The following STRBP variants were observed in gnomAD, a reference collection of about 807,000 sequenced individuals.
The protein encoded by STRBP is spermatid perinuclear RNA-binding protein.
STRBP carries 13 observed loss-of-function variants against 80.1 expected under a neutral mutation model. The ratio of observed to expected loss-of-function variants is 0.16; its 90% confidence interval spans 0.11 to 0.26. STRBP has a LOEUF of 0.26. STRBP is among the 10% of genes least tolerant of loss of function. STRBP has a pLI of 1.00. For synonymous variants in STRBP, 284 were observed against 291.2 expected, an observed-to-expected ratio of 0.98 and a Z score of 0.25; for missense variants, 485 against 815.2, an observed-to-expected ratio of 0.59 and a Z score of 4.93.
intron 11 of STRBP, among the ~76,000 whole-genome samples, chr9:123,152,827 A>G (rs193221670): frequency 6.6e-6 from 1 of 152,234 alleles, no homozygotes; most frequent in Admixed American, 6.5e-5. Flanking sequence ...GTGGCTACAG[A>G]AATCTACACA....
At chr9:123,264,863 C>A (rs1416453924) in intron 1 of STRBP, among the ~76,000 whole-genome samples, 3 of 151,944 alleles carry the variant, frequency 2.0e-5, no homozygotes, top group Non-Finnish European at 4.4e-5. Context: ...TAGTGCGCAC[C>A]CCAAGTCAAT....
At chr9:123,114,240 AAGC>A (rs2035610439) in intron 3 of STRBP, 1 of 167,128 alleles carries the variant, frequency 6.0e-6, no homozygotes, top group Non-Finnish European at 1.5e-5. Context: ...GTCCATTTCA[AAGC>A]AAAAGTGGCA....
intron 3 of STRBP, chr9:123,112,751 G>T (rs939604992): frequency 1.2e-5 from 2 of 167,156 alleles, no homozygotes; most frequent in African/African-American, 4.8e-5. Flanking sequence ...GAGACGAGAG[G>T]CCAGCACCTC....
intron 2 of STRBP, among the ~76,000 whole-genome samples, chr9:123,198,182 C>A (rs1413531174): frequency 5.9e-5 from 9 of 152,062 alleles, no homozygotes; most frequent in Non-Finnish European, 2.9e-5. Context: ...ACTCCATCAC[C>A]CAGGCTGAAG....
chr9:123,221,689 A>T (rs75092709), intron 2 of STRBP, among the ~76,000 whole-genome samples: 2,526 of 152,316 alleles, frequency 0.017, 76 homozygotes, highest in African/African-American at 0.058. Flanking sequence ...AAGGGTTTTA[A>T]AGAACGCTCC....
chr9:123,261,272 T>C (rs1001599127), intron 1 of STRBP, among the ~76,000 whole-genome samples: 2 of 152,208 alleles, frequency 1.3e-5, no homozygotes, highest in African/African-American at 4.8e-5. Context: ...AAAAGACTTG[T>C]GTACTCAACA....
chr9:123,192,870 C>A (rs935897513), intron 2 of STRBP, among the ~76,000 whole-genome samples: 3 of 152,162 alleles, frequency 2.0e-5, no homozygotes, highest in African/African-American at 7.2e-5. Flanking sequence ...AAGCAACTGG[C>A]ACTAAACTCA....
chr9:123,160,228 T>A, intron 8 of STRBP, 139 bp downstream of exon 8: 1 of 454,428 alleles, frequency 2.2e-6, no homozygotes, highest in Non-Finnish European at 3.7e-6. Context: ...AGATGCTTTA[T>A]TTTTTTTTCA....
In STRBP at chr9:123,199,287, G is replaced by A. The variant is rs990283722; in HGVS notation, c.-164-14989C>T. Among the ~76,000 whole-genome samples, 22 of 152,296 alleles carry A rather than the reference G, an allele frequency of 1.4e-4. 2 individuals carry two copies. The highest frequency in any genetic ancestry group is 1.0e-3 in the South Asian group (5 of 4,828). ...ATACTGTTTTGGTAACTGTATCCTC[G>A]TAGTACAGTTTGAAGTCCAGTAATG... On this transcript the variant is annotated intron_variant, in intron 2 of 18. Coordinates refer to ENST00000348403, the MANE Select transcript of STRBP (RefSeq NM_018387.5).
intron 2 of STRBP, among the ~76,000 whole-genome samples, chr9:123,211,754 T>C (rs190159564): frequency 2.0e-5 from 3 of 152,316 alleles, no homozygotes; most frequent in Admixed American, 6.5e-5. Flanking sequence ...CTTTAAAATA[T>C]TGAATTGCTA....
At position 123,160,997 on chromosome 9, in the gene STRBP, G is replaced by A. The variant is rs910303774; in HGVS notation, c.607C>T (p.Arg203Ter). ...QKCLNALASL[R>*]HAKWFQARAN... ...CCAACCTGAAACCATTTGGCATGTC[G>A]AAGAGACGCCAAGGCGTTCAGGCAT... is the stretch of plus-strand genomic sequence containing the variant. Residue 203 changes from arginine (R) to a stop codon, truncating the protein, a stop_gained, in exon 7 of 19, where the codon CGA becomes TGA. Transcript: ENST00000348403. LOFTEE classifies it high-confidence loss of function. The A allele has an allele frequency of 1.9e-6, 3 of 1,586,440 alleles. No individual in the cohort carries two copies. Among genetic ancestry groups the A allele is most frequent in the Non-Finnish European group, 1.7e-6 (2 of 1,172,840 alleles).
At chr9:123,167,569 G>A (rs556230997) in intron 6 of STRBP, among the ~76,000 whole-genome samples, 3 of 151,728 alleles carry the variant, frequency 2.0e-5, no homozygotes, top group South Asian at 2.1e-4. Flanking sequence ...TAGAAAAAAC[G>A]AGCAAATTAT....
chr9:123,228,802 G>A (rs995223715), intron 2 of STRBP, among the ~76,000 whole-genome samples: 18 of 152,248 alleles, frequency 1.2e-4, no homozygotes, highest in African/African-American at 4.1e-4. Context: ...TAAACACAGG[G>A]CTATAATATG....
intron 3 of STRBP, among the ~76,000 whole-genome samples, chr9:123,179,541 C>T (rs1315159802): frequency 3.3e-5 from 5 of 151,738 alleles, no homozygotes; most frequent in Admixed American, 2.0e-4. Flanking sequence ...TTTGGGAGAC[C>T]GAGGTGGGCA....
intron 1 of STRBP, among the ~76,000 whole-genome samples, chr9:123,237,243 G>A (rs2040588523): frequency 6.6e-6 from 1 of 152,156 alleles, no homozygotes. Flanking sequence ...TGTTACAGCT[G>A]CGGCAGAAAA....
At chr9:123,169,702 T>C (rs1251091371) in intron 6 of STRBP, among the ~76,000 whole-genome samples, 200 bp downstream of exon 6, 1 of 152,138 alleles carries the variant, frequency 6.6e-6, no homozygotes, top group East Asian at 1.9e-4. Flanking sequence ...ATTTTATATT[T>C]TGAATTCATA....
At position 123,139,584 on chromosome 9, in the gene STRBP, G is replaced by A. The variant is rs774864417; in HGVS notation, c.1442C>T (p.Ser481Leu). 6.2e-7 allele frequency: 1 copy of A among 1,612,816 alleles called. No homozygotes were observed. The highest frequency in any genetic ancestry group is 1.3e-5 in the African/African-American group (1 of 74,874). The stretch of plus-strand genomic sequence containing the variant: ...ATTTCCAGTATTATTGCTTGAGTTT[G>A]AAGACACTGTTTCATTTTTACTTTC... Reference protein sequence around the residue: ...DNESKNETVSSNSSNNTGNST... With the variant: ...DNESKNETVSLNSSNNTGNST... Residue 481 changes from serine to leucine, a missense_variant, in exon 14 of 19, where the codon TCA becomes TTA. Physicochemically the swap from Ser to Leu is moderately radical, Grantham distance 145. This residue lies in a region of STRBP where 377 missense variants were observed against 616.1 expected (regional missense o/e 0.61). Coordinates refer to ENST00000348403, the MANE Select transcript of STRBP (RefSeq NM_018387.5).
At position 123,228,818 on chromosome 9, in the gene STRBP, G is replaced by C. The variant is rs567775138; in HGVS notation, c.-165+8012C>G. ...AAACACAGGGCTATAATATGACCCAGAAAGTCTACCCTACTAAGTATGTAG... is the reference window on the plus strand; with the variant it reads ...AAACACAGGGCTATAATATGACCCACAAAGTCTACCCTACTAAGTATGTAG... On this transcript the variant is annotated intron_variant, in intron 2 of 18. Coordinates refer to ENST00000348403, the MANE Select transcript of STRBP (RefSeq NM_018387.5). 2.0e-5 allele frequency among the ~76,000 whole-genome samples: 3 copies of C among 152,262 alleles called. No homozygotes were observed. The South Asian group carries it at 6.2e-4, about 32-fold the overall frequency.
intron 2 of STRBP, among the ~76,000 whole-genome samples, chr9:123,214,822 G>A (rs1045433533): frequency 3.9e-5 from 6 of 152,142 alleles, no homozygotes; most frequent in African/African-American, 1.4e-4. Context: ...ATTTATGCAC[G>A]TGTTTATATG....
Sources: gnomAD v4.1 joint callset for allele counts (sites outside exome capture counted in the v4.1 genomes callset) on GRCh38, gnomAD v4.1.1 for gene constraint, gnomAD v4.1.1 regional missense constraint, MANE v1.5 for transcripts, NCBI Gene and HGNC (gene_info 2026-07-23, HGNC 2026-07-21) for gene names.